FGF14: variants seen among roughly 807,000 people sequenced by gnomAD.
The protein encoded by FGF14 is fibroblast growth factor 14, also known as fibroblast growth factor homologous factor 4.
FGF14 carries 5 observed loss-of-function variants against 25.5 expected under a neutral mutation model. That is an observed-to-expected ratio of 0.20 (90% CI 0.10 to 0.41). The LOEUF (loss-of-function observed/expected upper bound fraction) is 0.41, where lower values mean the gene tolerates loss of function less well. Ranked by LOEUF, FGF14 falls within the 10% of genes least tolerant of loss-of-function variation. The probability of loss-of-function intolerance (pLI) is 1.00; values close to 1 mark genes in which losing one functional copy is unlikely to be tolerated. For synonymous variants in FGF14, 138 were observed against 118.3 expected, an observed-to-expected ratio of 1.17 and a Z score of -1.08; for missense variants, 222 against 320.1, an observed-to-expected ratio of 0.69 and a Z score of 2.34.
intron 1 of FGF14, among the ~76,000 whole-genome samples, chr13:102,303,770 G>A (rs559515082): frequency 6.6e-6 from 1 of 152,250 alleles, no homozygotes; most frequent in South Asian, 2.1e-4. Flanking sequence ...TTGTGTCACT[G>A]CCACGAACCT....
chr13:102,141,430 A>C (rs2046639679), intron 1 of FGF14, among the ~76,000 whole-genome samples: 1 of 152,208 alleles, frequency 6.6e-6, no homozygotes, highest in African/African-American at 2.4e-5. Flanking sequence ...CAAAAACAAG[A>C]AACAGTTTAT....
At chr13:101,744,772 A>G (rs1388858256) in intron 3 of FGF14, among the ~76,000 whole-genome samples, 1 of 152,100 alleles carries the variant, frequency 6.6e-6, no homozygotes, top group African/African-American at 2.4e-5. Flanking sequence ...GATGCTTTAA[A>G]TAGTTTATTT....
At chr13:102,167,368 C>T (rs1442797968) in intron 1 of FGF14, among the ~76,000 whole-genome samples, 1 of 145,590 alleles carries the variant, frequency 6.9e-6, no homozygotes, top group Non-Finnish European at 1.5e-5. Flanking sequence ...TCTATTGAGA[C>T]AACATGGTAC....
rs536187013 is a variant in FGF14 at position 102,110,623 on chromosome 13, C to T, written c.209-235327G>A. On this transcript the variant is annotated intron_variant, in intron 1 of 4. Coordinates refer to the FGF14 transcript ENST00000376131. ...ACAGATATTTTCTAACCAGCATTTACAGAACAAGTGTGCCAATCCTCACTC... is the reference window on the plus strand; with the variant it reads ...ACAGATATTTTCTAACCAGCATTTATAGAACAAGTGTGCCAATCCTCACTC... Among the ~76,000 whole-genome samples the T allele has an allele frequency of 5.3e-5, 8 of 152,260 alleles. No homozygotes were observed. The East Asian group carries it at 1.2e-3, about 22-fold the overall frequency.
At chr13:102,202,914 A>T (rs2049729836) in intron 1 of FGF14, among the ~76,000 whole-genome samples, 1 of 152,192 alleles carries the variant, frequency 6.6e-6, no homozygotes, top group Non-Finnish European at 1.5e-5. Context: ...GAGAATGGGC[A>T]AAGGAGCCCA....
intron 1 of FGF14, among the ~76,000 whole-genome samples, chr13:102,050,746 C>T (rs2042182274): frequency 6.6e-6 from 1 of 151,818 alleles, no homozygotes; most frequent in South Asian, 2.1e-4. Flanking sequence ...CTCAAGGGCT[C>T]ATGAAAAAAT....
intron 3 of FGF14, among the ~76,000 whole-genome samples, chr13:101,744,155 T>G (rs2036733821): frequency 6.6e-6 from 1 of 152,158 alleles, no homozygotes; most frequent in South Asian, 2.1e-4. Context: ...GAATATAAAC[T>G]TCTGCCTTTA....
intron 3 of FGF14, among the ~76,000 whole-genome samples, chr13:101,787,277 G>A (rs1227160123): frequency 1.3e-5 from 2 of 152,154 alleles, no homozygotes; most frequent in Admixed American, 6.5e-5. Context: ...TCTAATGAAT[G>A]TGTTTTGAAA....
chr13:101,821,976 G>C (rs2140241125), intron 3 of FGF14, among the ~76,000 whole-genome samples: 1 of 152,222 alleles, frequency 6.6e-6, no homozygotes, highest in Non-Finnish European at 1.5e-5. Context: ...CTCTCATAAT[G>C]CTGTCTTGTA....
At position 101,884,062 on chromosome 13, in the gene FGF14, CAAAAAA is replaced by C. The variant is rs11315735; in HGVS notation, c.194-8772_194-8767del. 8.5e-4 allele frequency among the ~76,000 whole-genome samples: 32 copies of C among 37,834 alleles called. No homozygotes were observed. The South Asian group carries it at 0.032, about 38-fold the overall frequency. The allele number at this position is 37,834 out of a possible 152,430, so 24.8% of individuals were successfully genotyped here. ...TGGGCAACAGAGTAAGACTCCATCT[CAAAAAA>C]AAAAAAAAAAAAAAAAAAAGACAAG... On this transcript the variant is annotated intron_variant, in intron 1 of 4. Coordinates refer to ENST00000376143, the MANE Select transcript of FGF14 (RefSeq NM_004115.4).
chr13:102,130,427 T>C (rs2046146401), intron 1 of FGF14, among the ~76,000 whole-genome samples: 1 of 152,156 alleles, frequency 6.6e-6, no homozygotes, highest in South Asian at 2.1e-4. Flanking sequence ...ATCACATCCC[T>C]CTAAGCTCCT....
intron 1 of FGF14, among the ~76,000 whole-genome samples, chr13:102,017,618 G>A (rs1222901197): frequency 2.6e-5 from 4 of 151,944 alleles, no homozygotes; most frequent in African/African-American, 7.3e-5. Flanking sequence ...ATCTTACTAG[G>A]TACTCAGCAA....
At chr13:101,984,041 C>T (rs2038420977) in intron 1 of FGF14, among the ~76,000 whole-genome samples, 1 of 152,182 alleles carries the variant, frequency 6.6e-6, no homozygotes, top group Middle Eastern at 3.2e-3. Flanking sequence ...AAATACATTA[C>T]TTAGCTTCTC....
At chr13:102,055,629 T>C (rs920049376) in intron 1 of FGF14, among the ~76,000 whole-genome samples, 15 of 152,316 alleles carry the variant, frequency 9.8e-5, no homozygotes, top group Admixed American at 8.5e-4. Context: ...CCATGATACA[T>C]TTATTAAAGG....
chr13:101,815,458 T>C (rs1364805765), intron 3 of FGF14, among the ~76,000 whole-genome samples: 3 of 152,166 alleles, frequency 2.0e-5, no homozygotes, highest in Non-Finnish European at 1.5e-5. Flanking sequence ...AATTCTTTCA[T>C]GAAGCTGCAG....
chr13:101,927,288 A>G (rs944683740), intron 1 of FGF14, among the ~76,000 whole-genome samples: 2 of 152,320 alleles, frequency 1.3e-5, no homozygotes, highest in Non-Finnish European at 2.9e-5. Flanking sequence ...GCACCAAGAC[A>G]TATCAGCAAA....
Position 102,212,294 on chromosome 13 carries a change from A to T in FGF14, c.208+189177T>A, listed in dbSNP as rs1406330401. On this transcript the variant is annotated intron_variant, in intron 1 of 4. Transcript: ENST00000376131. ...TCAACCTGTTTCCCAGGCTATAAGC[A>T]AATGGAAGGAGAGTATCAACCTTGA... Among the ~76,000 whole-genome samples the T allele has an allele frequency of 2.6e-5, 4 of 152,206 alleles. No individual in the cohort carries two copies. The East Asian group carries it at 7.7e-4, about 29-fold the overall frequency.
intron 1 of FGF14, among the ~76,000 whole-genome samples, chr13:102,271,294 T>C (rs1023603049): frequency 2.6e-5 from 4 of 152,178 alleles, no homozygotes; most frequent in African/African-American, 9.7e-5. Context: ...CAGCACGCCT[T>C]CCTGCAAAAT....
At chr13:102,115,285 C>A (rs2045416835) in intron 1 of FGF14, among the ~76,000 whole-genome samples, 2 of 152,156 alleles carry the variant, frequency 1.3e-5, no homozygotes, top group South Asian at 4.1e-4. Context: ...TTGTCCCCAC[C>A]CTCTCTGTGC....
Sources: allele counts gnomAD v4.1 joint callset (sites outside exome capture counted in the v4.1 genomes callset), GRCh38; gene constraint gnomAD v4.1.1; transcripts MANE v1.5; gene names NCBI Gene and HGNC (gene_info 2026-07-23, HGNC 2026-07-21).